KLHL14: variants seen among roughly 807,000 people sequenced by gnomAD.
The protein encoded by KLHL14 is kelch like family member 14.
A neutral mutation model predicts 64.3 loss-of-function variants in KLHL14; 22 were observed. The observed-to-expected ratio is 0.34, with a 90% CI of 0.24 to 0.49. The LOEUF is 0.49. Among genes scored for constraint, KLHL14 ranks in the 20% least tolerant of loss-of-function variants. The probability of loss-of-function intolerance (pLI) is 0.99; values close to 1 mark genes in which losing one functional copy is unlikely to be tolerated. For synonymous variants in KLHL14, 322 were observed against 333.4 expected (o/e 0.97, Z 0.37); for missense variants, 661 against 789.0 (o/e 0.84, Z 1.94).
intron 3 of KLHL14, among the ~76,000 whole-genome samples, chr18:32,741,218 C>G (rs1021797215): frequency 6.6e-6 from 1 of 152,172 alleles, no homozygotes; most frequent in African/African-American, 2.4e-5. Context: ...GCCTGCTGCA[C>G]TCAAGAAACG....
chr18:32,757,925 T>C (rs995835890), intron 2 of KLHL14, among the ~76,000 whole-genome samples: 2 of 152,216 alleles, frequency 1.3e-5, no homozygotes, highest in African/African-American at 4.8e-5. Flanking sequence ...TTTCTTTTCA[T>C]TTTGCAAATA....
At chr18:32,691,206 T>C (rs1481772284) in intron 4 of KLHL14, among the ~76,000 whole-genome samples, 2 of 152,326 alleles carry the variant, frequency 1.3e-5, no homozygotes, top group South Asian at 4.1e-4. Flanking sequence ...GAAGACGATA[T>C]CTGCCTCCTC....
rs761841705 is a variant in KLHL14, at chr18:32,677,380, C to T, written c.1589-50G>A. The T allele has an allele frequency of 3.3e-6, 5 of 1,519,376 alleles. No individual in the cohort carries two copies. The Admixed American group carries it at 9.8e-5, about 30-fold the overall frequency. The allele number at this position is 1,519,376 out of a possible 1,614,324, so 94.1% of individuals were successfully genotyped here. On this transcript the variant is annotated intron_variant, in intron 7 of 8. Coordinates refer to ENST00000359358, the MANE Select transcript of KLHL14 (RefSeq NM_020805.3). ...AACAAAATGATAAATGCTCAGGGTC[C>T]CAATTTAAGGCTAGGGCTTCTTTTA...
At chr18:32,716,859 G>A (rs2050048495) in intron 3 of KLHL14, among the ~76,000 whole-genome samples, 1 of 151,764 alleles carries the variant, frequency 6.6e-6, no homozygotes, top group South Asian at 2.1e-4. Context: ...GTAGATATAA[G>A]CCTTTTACAT....
rs59914213 is a variant in KLHL14, at chr18:32,683,645, C to T, written c.1239-3046G>A. Among the ~76,000 whole-genome samples the T allele has an allele frequency of 0.062, 9,399 of 152,202 alleles. 954 individuals are homozygous for T. Among genetic ancestry groups the T allele is most frequent in the African/African-American group, 0.21 (8,822 of 41,516 alleles). ...CTCCCTCCTTCAGCCTCCCCTGCCCCCACTGCCAGAAGCAATATTCAGTAT... is the reference window on the plus strand; with the variant it reads ...CTCCCTCCTTCAGCCTCCCCTGCCCTCACTGCCAGAAGCAATATTCAGTAT... On this transcript the variant is annotated intron_variant, in intron 5 of 8. Coordinates refer to ENST00000359358, the MANE Select transcript of KLHL14 (RefSeq NM_020805.3). This position sits in a 1 kb window ranked among gnomAD's most constrained non-coding sequence, Gnocchi z 4.2.
intron 3 of KLHL14, among the ~76,000 whole-genome samples, chr18:32,725,873 A>T (rs1049866267): frequency 3.9e-5 from 6 of 152,232 alleles, no homozygotes; most frequent in African/African-American, 1.4e-4. Flanking sequence ...GTGTCATACA[A>T]CTTGTTTTAC....
rs2049802842 is a variant in KLHL14 at position 32,674,802 on chromosome 18, A to C, written c.1747-5T>G. ...TGTAGATGACTTGTAGGCCCCCTGTAATGACAGAGGAGGGAGCATTTAGAG... is the reference window on the plus strand; with the variant it reads ...TGTAGATGACTTGTAGGCCCCCTGTCATGACAGAGGAGGGAGCATTTAGAG... On this transcript the variant is annotated splice_polypyrimidine_tract_variant and splice_region_variant and intron_variant, in intron 8 of 8. Coordinates refer to ENST00000359358, the MANE Select transcript of KLHL14 (RefSeq NM_020805.3). 1 of 780,302 alleles carries C rather than the reference A, an allele frequency of 1.3e-6. No individual in the cohort carries two copies. Among genetic ancestry groups the C allele is most frequent in the Non-Finnish European group, 2.4e-6 (1 of 417,710 alleles). 48.3% of individuals were successfully genotyped at this position (780,302 alleles called of 1,614,324 possible).
intron 3 of KLHL14, chr18:32,734,370 G>A: frequency 1.5e-6 from 1 of 646,570 alleles, no homozygotes; most frequent in South Asian, 1.7e-5. Context: ...CTGGATCCCT[G>A]AATGACTCTG....
intron 2 of KLHL14, among the ~76,000 whole-genome samples, chr18:32,754,092 G>T (rs2050269998): frequency 6.6e-6 from 1 of 152,218 alleles, no homozygotes; most frequent in South Asian, 2.1e-4. Flanking sequence ...ACAGGAGAAA[G>T]CTCTTCTCTT....
rs142480775 is a variant in KLHL14, at chr18:32,769,906, G to C, written c.686C>G (p.Pro229Arg). The change falls in exon 2 of 9, where the codon CCG (proline) becomes CGG (arginine). Residue 229 changes from proline (P) to arginine (R), a missense_variant. Physicochemically the swap from Pro to Arg is moderately radical, Grantham distance 103 (BLOSUM62 -2). Coordinates refer to ENST00000359358, the MANE Select transcript of KLHL14 (RefSeq NM_020805.3). ...CGCCAGCTCCGACTCCACGGGGGGC[G>C]GCAGCGAGTCCAGCAGGGCGCGCAT... ...EEMRALLDSL[P>R]PPVESELALF... The C allele has an allele frequency of 2.4e-4, 382 of 1,614,118 alleles. No individual in the cohort carries two copies. The highest frequency in any genetic ancestry group is 2.9e-4 in the Non-Finnish European group (343 of 1,180,038).
At chr18:32,707,902 A>G (rs1369261886) in intron 3 of KLHL14, among the ~76,000 whole-genome samples, 1 of 152,148 alleles carries the variant, frequency 6.6e-6, no homozygotes, top group Non-Finnish European at 1.5e-5. Flanking sequence ...GAGTCACTGA[A>G]CCTGGGGGTG....
chr18:32,688,832 G>A (rs1446210170), intron 4 of KLHL14, among the ~76,000 whole-genome samples: 1 of 152,176 alleles, frequency 6.6e-6, no homozygotes, highest in Non-Finnish European at 1.5e-5. Flanking sequence ...CTATAGGAGG[G>A]CCACTGTGGA....
At chr18:32,762,884 A>ACCAC (rs1160615739) in intron 2 of KLHL14, among the ~76,000 whole-genome samples, 1 of 152,206 alleles carries the variant, frequency 6.6e-6, no homozygotes, top group Non-Finnish European at 1.5e-5. Flanking sequence ...TTCTTGAAAC[A>ACCAC]AAATATAAAC....
chr18:32,764,086 T>C (rs2050328260), intron 2 of KLHL14, among the ~76,000 whole-genome samples: 1 of 152,224 alleles, frequency 6.6e-6, no homozygotes, highest in South Asian at 2.1e-4. Context: ...TGTTCACATG[T>C]TCATTTAGTT....
intron 2 of KLHL14, among the ~76,000 whole-genome samples, chr18:32,757,796 A>G (rs1036954679): frequency 2.6e-5 from 4 of 152,244 alleles, no homozygotes; most frequent in African/African-American, 9.6e-5. Flanking sequence ...AAAACAAACA[A>G]TACCAAAATC....
At chr18:32,726,059 A>G (rs951889653) in intron 3 of KLHL14, among the ~76,000 whole-genome samples, 1 of 152,256 alleles carries the variant, frequency 6.6e-6, no homozygotes, top group Non-Finnish European at 1.5e-5. Context: ...TTGTGAGTGA[A>G]GTAGTCATGA....
intron 3 of KLHL14, among the ~76,000 whole-genome samples, chr18:32,704,751 A>G (rs2049982169): frequency 6.6e-6 from 1 of 152,096 alleles, no homozygotes; most frequent in Non-Finnish European, 1.5e-5. Flanking sequence ...TCAAGCAGCT[A>G]ATTCATTTCA....
intron 3 of KLHL14, among the ~76,000 whole-genome samples, chr18:32,720,125 T>C (rs1286620013): frequency 6.6e-6 from 1 of 152,098 alleles, no homozygotes; most frequent in East Asian, 1.9e-4. Flanking sequence ...ATTTTAGAGG[T>C]CTGCATGTAT....
rs2050379859 is a variant in KLHL14 at position 32,770,791 on chromosome 18, C to T, written c.-43-157G>A. Among the ~76,000 whole-genome samples the T allele has an allele frequency of 6.6e-6, 1 of 152,076 alleles. No homozygotes were observed. Among genetic ancestry groups the T allele is most frequent in the African/African-American group, 2.4e-5 (1 of 41,416 alleles). On this transcript the variant is annotated intron_variant, in intron 1 of 8. Transcript: ENST00000359358. The surrounding 1 kb of genome is among the most constrained non-coding windows in gnomAD (Gnocchi z 6.7). ...CTCCTGGCGCGCTCCGGACCCCGACCCTAGGAGGAAAGTCCGAAGACGCTG... is the reference window on the plus strand; with the variant it reads ...CTCCTGGCGCGCTCCGGACCCCGACTCTAGGAGGAAAGTCCGAAGACGCTG...
Sources: gnomAD v4.1 joint callset for allele counts (sites outside exome capture counted in the v4.1 genomes callset) on GRCh38, gnomAD v4.1.1 for gene constraint, Gnocchi (gnomAD v3.1) non-coding constraint, MANE v1.5 for transcripts, NCBI Gene and HGNC (gene_info 2026-07-23, HGNC 2026-07-21) for gene names.